Variants in CTNNA2 observed in about 807,000 individuals in gnomAD.
The protein encoded by CTNNA2 is catenin alpha-2.
CTNNA2 carries 42 observed loss-of-function variants against 101.0 expected under a neutral mutation model. That is an observed-to-expected ratio of 0.42 (90% CI 0.32 to 0.54). The LOEUF is 0.54. Ranked by LOEUF, CTNNA2 falls within the 20% of genes least tolerant of loss-of-function variation. The probability of loss-of-function intolerance (pLI) is 0.14; values close to 1 mark genes in which losing one functional copy is unlikely to be tolerated. For synonymous variants in CTNNA2, 450 were observed against 456.4 expected, an observed-to-expected ratio of 0.99 and a Z score of 0.18; for missense variants, 871 against 1,223.1, an observed-to-expected ratio of 0.71 and a Z score of 4.29.
At chr2:79,465,190 C>G (rs565754867) in intron 4 of CTNNA2, among the ~76,000 whole-genome samples, 4 of 152,186 alleles carry the variant, frequency 2.6e-5, no homozygotes, top group Admixed American at 2.6e-4. Flanking sequence ...CCAGTTTCAG[C>G]TTTCTACATA....
chr2:79,351,911 C>T (rs1213957937), intron 3 of CTNNA2, among the ~76,000 whole-genome samples: 1 of 152,134 alleles, frequency 6.6e-6, no homozygotes, highest in East Asian at 1.9e-4. Context: ...ACACATATGA[C>T]CTTTTGATAA....
intron 3 of CTNNA2, among the ~76,000 whole-genome samples, chr2:79,847,073 A>T (rs1218997374): frequency 1.3e-5 from 2 of 152,198 alleles, no homozygotes; most frequent in African/African-American, 4.8e-5. Context: ...TTTATAATGC[A>T]ACCTCAGCAT....
At chr2:80,623,128 TCTC>T (rs1275536325) in intron 18 of CTNNA2, among the ~76,000 whole-genome samples, 1 of 151,380 alleles carries the variant, frequency 6.6e-6, no homozygotes, top group East Asian at 2.0e-4. Context: ...TGACAACTGT[TCTC>T]CTTTCTTCCT....
intron 7 of CTNNA2, among the ~76,000 whole-genome samples, chr2:80,194,230 A>G (rs1424397765): frequency 2.0e-5 from 3 of 152,220 alleles, no homozygotes; most frequent in Non-Finnish European, 4.4e-5. Flanking sequence ...TCAACATACT[A>G]AATTATTAAA....
chr2:80,085,543 A>C (rs1306842222), intron 7 of CTNNA2, among the ~76,000 whole-genome samples: 1 of 152,086 alleles, frequency 6.6e-6, no homozygotes, highest in African/African-American at 2.4e-5. Context: ...ATGTATGCAC[A>C]CCTGTATTCC....
chr2:80,596,291 T>TTG (rs1696961836), intron 15 of CTNNA2, among the ~76,000 whole-genome samples: 1 of 39,830 alleles, frequency 2.5e-5, no homozygotes, highest in Non-Finnish European at 4.8e-5. Flanking sequence ...TTTTTTTTTT[T>TTG]TTTTTTTTTT....
At chr2:79,864,971 A>G (rs1574166775) in intron 4 of CTNNA2, among the ~76,000 whole-genome samples, 1 of 152,304 alleles carries the variant, frequency 6.6e-6, no homozygotes, top group East Asian at 1.9e-4. Context: ...TTAGAACACT[A>G]TCTTGTATAT....
rs74764196 is a variant in CTNNA2 at position 79,277,029 on chromosome 2, T to C, written c.-405-35680T>C. ...GAGTAAGACCCATCCACCGAGTTTTTTGCTTTTGTGAAAATGAATCTTTGA... is the reference window on the plus strand; with the variant it reads ...GAGTAAGACCCATCCACCGAGTTTTCTGCTTTTGTGAAAATGAATCTTTGA... On this transcript the variant is annotated intron_variant, in intron 2 of 21. Transcript: ENST00000466387. Among the ~76,000 whole-genome samples, 98 of 152,194 alleles carry C rather than the reference T, an allele frequency of 6.4e-4. No individual in the cohort carries two copies. The East Asian group carries it at 0.014, about 21-fold the overall frequency.
At chr2:79,334,982 T>C (rs1676962072) in intron 3 of CTNNA2, among the ~76,000 whole-genome samples, 1 of 152,168 alleles carries the variant, frequency 6.6e-6, no homozygotes, top group African/African-American at 2.4e-5. Flanking sequence ...CTTTAGAATT[T>C]ACTGCCCTCC....
intron 2 of CTNNA2, among the ~76,000 whole-genome samples, chr2:79,689,681 GTATTTAAA>G (rs1270063990): frequency 6.6e-6 from 1 of 151,858 alleles, no homozygotes; most frequent in Non-Finnish European, 1.5e-5. Context: ...ATCTACAGGG[GTATTTAAA>G]TATAATAGAT....
chr2:79,794,809 A>G (rs191498038), intron 3 of CTNNA2, among the ~76,000 whole-genome samples: 189 of 152,280 alleles, frequency 1.2e-3, no homozygotes, highest in Non-Finnish European at 2.3e-3. Context: ...AAAGTCTAGT[A>G]TATCTTTCCA....
chr2:79,939,176 TA>T (rs34673850), intron 7 of CTNNA2, among the ~76,000 whole-genome samples: 46,928 of 151,994 alleles, frequency 0.31, 7,491 homozygotes, highest in Admixed American at 0.42. Flanking sequence ...TTAGCAATTT[TA>T]AAAAAAATAT....
At chr2:79,708,924 G>C (rs1286137319) in intron 2 of CTNNA2, among the ~76,000 whole-genome samples, 1 of 152,150 alleles carries the variant, frequency 6.6e-6, no homozygotes, top group African/African-American at 2.4e-5. Context: ...ACTTAACCTT[G>C]TACAAAATCG....
chr2:79,706,483 C>T (rs954514260), intron 2 of CTNNA2, among the ~76,000 whole-genome samples: 6 of 151,958 alleles, frequency 3.9e-5, no homozygotes, highest in Non-Finnish European at 7.4e-5. Context: ...AAGATTCCCA[C>T]TTATGTACCA....
At chr2:79,743,338 C>A (rs1294266357) in intron 2 of CTNNA2, among the ~76,000 whole-genome samples, 1 of 151,994 alleles carries the variant, frequency 6.6e-6, no homozygotes, top group African/African-American at 2.4e-5. Context: ...GCCTTTTTAG[C>A]AAATTAAATA....
chr2:79,894,723 T>C (rs1014943994), intron 6 of CTNNA2, among the ~76,000 whole-genome samples: 1 of 152,198 alleles, frequency 6.6e-6, no homozygotes, highest in African/African-American at 2.4e-5. Context: ...TCTATGCCAC[T>C]ATTCCTTCTA....
chr2:79,685,921 A>G (rs2104669842), intron 2 of CTNNA2, among the ~76,000 whole-genome samples: 1 of 152,240 alleles, frequency 6.6e-6, no homozygotes, highest in Non-Finnish European at 1.5e-5. Context: ...ATGAAAAGGT[A>G]TGTGCAGCGT....
intron 7 of CTNNA2, among the ~76,000 whole-genome samples, chr2:80,039,709 A>T (rs2104260138): frequency 6.6e-6 from 1 of 152,246 alleles, no homozygotes; most frequent in South Asian, 2.1e-4. Context: ...TTCTGTGTTC[A>T]TTGGCTTCTG....
chr2:80,202,074 G>C (rs900543415), intron 7 of CTNNA2, among the ~76,000 whole-genome samples: 1 of 152,086 alleles, frequency 6.6e-6, no homozygotes, highest in African/African-American at 2.4e-5. Flanking sequence ...AACTGATGCT[G>C]CCTAGCCTTG....
Sources: gnomAD v4.1 joint callset for allele counts (sites outside exome capture counted in the v4.1 genomes callset) on GRCh38, gnomAD v4.1.1 for gene constraint, MANE v1.5 for transcripts, NCBI Gene and HGNC (gene_info 2026-07-23, HGNC 2026-07-21) for gene names.